Variants in MSRB2 observed in about 807,000 individuals in gnomAD.
MSRB2 encodes the protein methionine sulfoxide reductase B2, also known as methionine-R-sulfoxide reductase B2, mitochondrial.
MSRB2 carries 17 observed loss-of-function variants against 19.0 expected under a neutral mutation model. That is an observed-to-expected ratio of 0.89 (90% CI 0.61 to 1.34). MSRB2 has a LOEUF of 1.34. Among genes scored for constraint, MSRB2 ranks in the 40% most tolerant of loss-of-function variants. MSRB2 has a pLI of 0.00. For missense variants in MSRB2, 208 were observed against 237.6 expected, an observed-to-expected ratio of 0.88 and a Z score of 0.82; for synonymous variants, 107 against 99.7, an observed-to-expected ratio of 1.07 and a Z score of -0.44.
At chr10:23,110,881 C>G (rs145218801) in intron 3 of MSRB2, among the ~76,000 whole-genome samples, 1 of 152,096 alleles carries the variant, frequency 6.6e-6, no homozygotes, top group East Asian at 1.9e-4. Context: ...TGAAATCTCT[C>G]AACAAAGGCT....
intron 3 of MSRB2, among the ~76,000 whole-genome samples, chr10:23,117,050 G>A (rs1840119488): frequency 6.6e-6 from 1 of 152,208 alleles, no homozygotes; most frequent in African/African-American, 2.4e-5. Flanking sequence ...TTTTTCTGGA[G>A]TCCTCTTGGC....
intron 3 of MSRB2, among the ~76,000 whole-genome samples, chr10:23,117,193 C>G (rs1412041514): frequency 6.6e-6 from 1 of 152,142 alleles, no homozygotes; most frequent in African/African-American, 2.4e-5. Flanking sequence ...ACAGACAGAT[C>G]CCAGATTCAC....
At chr10:23,116,305 C>T (rs774173696) in intron 3 of MSRB2, among the ~76,000 whole-genome samples, 29 of 152,194 alleles carry the variant, frequency 1.9e-4, no homozygotes, top group Non-Finnish European at 4.0e-4. Flanking sequence ...GGCTGGGAAG[C>T]GAGCTCCCAG....
At chr10:23,115,698 T>C (rs972260544) in intron 3 of MSRB2, among the ~76,000 whole-genome samples, 12 of 152,232 alleles carry the variant, frequency 7.9e-5, no homozygotes, top group Non-Finnish European at 1.5e-5. Flanking sequence ...GAATTTCTGA[T>C]TGGCTTTAAT....
At position 23,119,432 on chromosome 10, in the gene MSRB2, C is replaced by T; in HGVS notation, c.425C>T (p.Thr142Ile). ...RLDTSLGSARTEVVCKQCEAH... is the reference protein window; with the variant it reads ...RLDTSLGSARIEVVCKQCEAH... ...GATACCTCGTTAGGATCAGCTCGCA[C>T]AGAGGTTGTCTGCAAGCAGGTGAGG... Residue 142 changes from threonine (T) to isoleucine (I), a missense_variant, in exon 4 of 5, where the codon ACA (threonine) becomes ATA (isoleucine). Transcript: ENST00000376510. 1 of 1,613,634 alleles carries T rather than the reference C, an allele frequency of 6.2e-7. No individual in the cohort carries two copies. Among genetic ancestry groups the T allele is most frequent in the Non-Finnish European group, 8.5e-7 (1 of 1,179,678 alleles).
chr10:23,110,194 G>T (rs1328844239), intron 2 of MSRB2, 48 bp from the exon 3 acceptor site: 2 of 1,454,728 alleles, frequency 1.4e-6, no homozygotes, highest in African/African-American at 2.8e-5. Flanking sequence ...TTCAACTCCT[G>T]CCAGTAGTAT....
At chr10:23,096,326 CTG>C (rs370659267) in intron 1 of MSRB2, among the ~76,000 whole-genome samples, 3 of 120,920 alleles carry the variant, frequency 2.5e-5, no homozygotes, top group African/African-American at 1.0e-4. Flanking sequence ...CAGGGCGAGC[CTG>C]TGTGTGTGTG....
intron 1 of MSRB2, among the ~76,000 whole-genome samples, chr10:23,097,219 C>CAG (rs3838758): frequency 0.28 from 42,181 of 151,818 alleles, 5,934 homozygotes; most frequent in African/African-American, 0.34. Flanking sequence ...AAATGATAAA[C>CAG]GGAGTATTTC....
At chr10:23,112,738 A>G in intron 3 of MSRB2, among the ~76,000 whole-genome samples, 1 of 152,062 alleles carries the variant, frequency 6.6e-6, no homozygotes, top group East Asian at 1.9e-4. Flanking sequence ...GTGTGCCACC[A>G]TGCCTGGCTA....
Position 23,106,875 on chromosome 10 carries a change from C to T in MSRB2, c.219+2631C>T, listed in dbSNP as rs146761557. On this transcript the variant is annotated intron_variant, in intron 2 of 4. Coordinates refer to ENST00000376510, the MANE Select transcript of MSRB2 (RefSeq NM_012228.4). Reference sequence around the variant, plus strand: ...CCTGTGTGAGGTTATCTGCAGTCATCCCTCTTGAGTGTGTCATCTGTTTCC... The same window carrying T: ...CCTGTGTGAGGTTATCTGCAGTCATTCCTCTTGAGTGTGTCATCTGTTTCC... Among the ~76,000 whole-genome samples, 88 of 152,304 alleles carry T rather than the reference C, an allele frequency of 5.8e-4. 1 individual carries two copies. The highest frequency in any genetic ancestry group is 2.0e-3 in the African/African-American group (85 of 41,580).
chr10:23,112,334 T>G (rs934621331), intron 3 of MSRB2, among the ~76,000 whole-genome samples: 1 of 152,240 alleles, frequency 6.6e-6, no homozygotes, highest in Non-Finnish European at 1.5e-5. Context: ...CACTCATTTA[T>G]GGGAGAGGCA....
chr10:23,118,028 C>T (rs1840131983), intron 3 of MSRB2, among the ~76,000 whole-genome samples: 2 of 152,134 alleles, frequency 1.3e-5, no homozygotes, highest in Admixed American at 6.5e-5. Context: ...TGGTCCTAAG[C>T]ATTTCAGATA....
chr10:23,120,375 AAAT>A (rs912910951), intron 4 of MSRB2, among the ~76,000 whole-genome samples: 7 of 152,242 alleles, frequency 4.6e-5, no homozygotes, highest in Admixed American at 2.6e-4. Flanking sequence ...CTTAAGTAAT[AAAT>A]AATAATAATA....
chr10:23,116,122 T>C (rs1404032713), intron 3 of MSRB2, among the ~76,000 whole-genome samples: 7 of 152,180 alleles, frequency 4.6e-5, no homozygotes, highest in Admixed American at 4.6e-4. Context: ...TATTAAAAAA[T>C]AGCTACCAAC....
chr10:23,110,276 C>A lies in MSRB2; in HGVS notation c.254C>A (p.Ala85Glu). The change falls in exon 3 of 5, where the codon GCA becomes GAA. Residue 85 changes from alanine to glutamate, a missense_variant. Ala to Glu is a moderately radical substitution (Grantham distance 107). Transcript: ENST00000376510. ...GGGATCTACCTGAATAACAAGGAAG[C>A]AGGAATGTATCATTGCGTGTGCTGC... Reference protein sequence around the residue: ...FSGIYLNNKEAGMYHCVCCDS... With the variant: ...FSGIYLNNKEEGMYHCVCCDS... 2 of 1,613,892 alleles carry A rather than the reference C, an allele frequency of 1.2e-6. No homozygotes were observed. The highest frequency in any genetic ancestry group is 8.5e-7 in the Non-Finnish European group (1 of 1,179,874).
intron 1 of MSRB2, among the ~76,000 whole-genome samples, chr10:23,097,444 T>A (rs1839880837): frequency 6.6e-6 from 1 of 152,226 alleles, no homozygotes; most frequent in South Asian, 2.1e-4. Context: ...TGGCTTGCAG[T>A]TGACTGCCTT....
chr10:23,112,732 G>A (rs1840069823), intron 3 of MSRB2, among the ~76,000 whole-genome samples: 1 of 152,196 alleles, frequency 6.6e-6, no homozygotes, highest in African/African-American at 2.4e-5. Flanking sequence ...ACAGGCGTGT[G>A]CCACCATGCC....
At chr10:23,117,757 G>C (rs1840128036) in intron 3 of MSRB2, among the ~76,000 whole-genome samples, 1 of 152,062 alleles carries the variant, frequency 6.6e-6, no homozygotes, top group Non-Finnish European at 1.5e-5. Flanking sequence ...TGCCCAGCTA[G>C]TTTTTCTATT....
intron 4 of MSRB2, among the ~76,000 whole-genome samples, chr10:23,120,010 T>C (rs1414630307): frequency 6.6e-6 from 1 of 152,218 alleles, no homozygotes; most frequent in Non-Finnish European, 1.5e-5. Context: ...CCTTTCCTGG[T>C]TCTAACCTTC....
Sources: gnomAD v4.1 joint callset for allele counts (sites outside exome capture counted in the v4.1 genomes callset) on GRCh38, gnomAD v4.1.1 for gene constraint, MANE v1.5 for transcripts, NCBI Gene and HGNC (gene_info 2026-07-23, HGNC 2026-07-21) for gene names.